Variants in CCDC124 observed in about 807,000 individuals in gnomAD.
The protein encoded by CCDC124 is coiled-coil domain containing 124, also known as coiled-coil domain-containing protein 124.
In CCDC124, 9 loss-of-function variants were observed where a neutral mutation model predicts 19.8. The observed-to-expected ratio is 0.45, with a 90% CI of 0.27 to 0.79. CCDC124 has a LOEUF of 0.79. Among genes scored for constraint, CCDC124 ranks in the 30% least tolerant of loss-of-function variants. CCDC124 has a pLI of 0.14. For missense variants in CCDC124, 285 were observed against 319.0 expected (o/e 0.89, Z 0.81); for synonymous variants, 126 against 131.3 (o/e 0.96, Z 0.27).
At chr19:17,937,805 T>C (rs1246474636) in intron 2 of CCDC124, among the ~76,000 whole-genome samples, 1 of 152,036 alleles carries the variant, frequency 6.6e-6, no homozygotes, top group Non-Finnish European at 1.5e-5. Context: ...GCGATCTCAG[T>C]TCACCGCAAC....
rs1323780634 is a variant in CCDC124 at position 17,942,959 on chromosome 19, G to A, written c.349+114G>A. ...AGAAGCTGCCGGGGCTCCACGTGGTGCAGGGTGGGTGGGTAGGCCGCCTCC... is the reference window on the plus strand; with the variant it reads ...AGAAGCTGCCGGGGCTCCACGTGGTACAGGGTGGGTGGGTAGGCCGCCTCC... On this transcript the variant is annotated intron_variant, in intron 3 of 4. Coordinates refer to ENST00000445755, the MANE Select transcript of CCDC124 (RefSeq NM_001136203.2). The surrounding 1 kb of genome is among the most constrained non-coding windows in gnomAD (Gnocchi z 4.2). The A allele has an allele frequency of 8.4e-6, 11 of 1,305,724 alleles. No individual in the cohort carries two copies. The highest frequency in any genetic ancestry group is 1.0e-5 in the Non-Finnish European group (10 of 977,184). The allele number at this position is 1,305,724 out of a possible 1,614,324, so 80.9% of individuals were successfully genotyped here.
Position 17,939,122 on chromosome 19 carries a change from C to T in CCDC124, c.159+2543C>T, listed in dbSNP as rs1052965873. Among the ~76,000 whole-genome samples the T allele has an allele frequency of 5.3e-5, 8 of 151,966 alleles. No individual in the cohort carries two copies. In the East Asian group the frequency reaches 5.9e-4, roughly 11 times the overall value. On this transcript the variant is annotated intron_variant, in intron 2 of 4. Coordinates refer to ENST00000445755, the MANE Select transcript of CCDC124 (RefSeq NM_001136203.2). ...CAAAGATGCAGTATCCATCCGGGTG[C>T]GGTGGCTCACGCCTGTCATCCCAGG... is the stretch of plus-strand genomic sequence containing the variant.
At chr19:17,939,357 T>C (rs2031126011) in intron 2 of CCDC124, among the ~76,000 whole-genome samples, 2 of 152,100 alleles carry the variant, frequency 1.3e-5, no homozygotes, top group South Asian at 4.2e-4. Context: ...ATCGCGCCAC[T>C]GCACTCCAGT....
Position 17,943,585 on chromosome 19 carries a change from T to G in CCDC124, c.542T>G (p.Leu181Arg). ...AAFTAFEEAQ[L>R]PRLKQENPNM... The stretch of plus-strand genomic sequence containing the variant: ...TTCACAGCCTTTGAGGAAGCCCAGC[T>G]GCCGCGGCTCAAACAAGAGAACCCC... The change falls in exon 5 of 5, where the codon CTG (leucine) becomes CGG (arginine). Residue 181 changes from leucine (L) to arginine (R), a missense_variant. Coordinates refer to ENST00000445755, the MANE Select transcript of CCDC124 (RefSeq NM_001136203.2). 6.2e-7 allele frequency: 1 copy of G among 1,612,882 alleles called. No individual in the cohort carries two copies. The highest frequency in any genetic ancestry group is 8.5e-7 in the Non-Finnish European group (1 of 1,179,954).
At position 17,942,907 on chromosome 19, in the gene CCDC124, G is replaced by C; in HGVS notation, c.349+62G>C. On this transcript the variant is annotated intron_variant, in intron 3 of 4. Transcript: ENST00000445755. This position sits in a 1 kb window ranked among gnomAD's most constrained non-coding sequence, Gnocchi z 4.2. Reference sequence around the variant, plus strand: ...CCACTGCAGAGGCAGTGGACCTTGAGTCCATTAGCCCCCTCCTGGCCCCCA... The same window carrying C: ...CCACTGCAGAGGCAGTGGACCTTGACTCCATTAGCCCCCTCCTGGCCCCCA... The C allele has an allele frequency of 6.9e-7, 1 of 1,451,730 alleles. No homozygotes were observed. Among genetic ancestry groups the C allele is most frequent in the African/African-American group, 1.4e-5 (1 of 69,822 alleles). The allele number at this position is 1,451,730 out of a possible 1,614,324, so 89.9% of individuals were successfully genotyped here. A position where few individuals can be genotyped will look rare whatever the true frequency, so the allele number is the denominator to read the frequency against.
chr19:17,943,265 G>T lies in CCDC124; in HGVS notation c.354G>T (p.Glu118Asp). ...HQLREAPDTA[E>D]KAKSHLEVPL... ...GTCACCCACCCACCCGCCCAGCCGA[G>T]AAAGCCAAGAGCCATCTGGAGGTGC... is the stretch of plus-strand genomic sequence containing the variant. The change falls in exon 4 of 5, where the codon GAG becomes GAT. Residue 118 changes from glutamate (E) to aspartate (D), a missense_variant. Physicochemically the swap from Glu to Asp is conservative, Grantham distance 45. Coordinates refer to ENST00000445755, the MANE Select transcript of CCDC124 (RefSeq NM_001136203.2). 1 of 474,766 alleles carries T rather than the reference G, an allele frequency of 2.1e-6. No individual in the cohort carries two copies. 29.4% of individuals were successfully genotyped at this position (474,766 alleles called of 1,614,324 possible).
intron 2 of CCDC124, among the ~76,000 whole-genome samples, chr19:17,941,559 A>G (rs2031181615): frequency 6.6e-6 from 1 of 151,444 alleles, no homozygotes; most frequent in Non-Finnish European, 1.5e-5. Context: ...TGTGTGTGAC[A>G]CGCATCGGTC....
chr19:17,941,173 C>A (rs1259950415), intron 2 of CCDC124, among the ~76,000 whole-genome samples: 2 of 152,128 alleles, frequency 1.3e-5, no homozygotes, highest in African/African-American at 4.8e-5. Context: ...CCCTCATACC[C>A]CTCCTGGTCA....
At position 17,942,609 on chromosome 19, in the gene CCDC124, G is replaced by A. The variant is rs773160562; in HGVS notation, c.160-47G>A. ...CTCGAACCCCAGGCTAGTGGGTGGC[G>A]CGGGGGTGTGGGGTCTTCTGCCTGA... On this transcript the variant is annotated intron_variant, in intron 2 of 4. Transcript: ENST00000445755. The surrounding 1 kb of genome is among the most constrained non-coding windows in gnomAD (Gnocchi z 4.2). 1 of 1,541,638 alleles carries A rather than the reference G, an allele frequency of 6.5e-7. No individual in the cohort carries two copies.
chr19:17,937,924 G>A (rs2031099599), intron 2 of CCDC124, among the ~76,000 whole-genome samples: 1 of 152,132 alleles, frequency 6.6e-6, no homozygotes, highest in Non-Finnish European at 1.5e-5. Context: ...GTAGAGATGG[G>A]GTTTCTCCAG....
Position 17,943,377 on chromosome 19 carries a change from T to C in CCDC124, c.464+2T>C. On this transcript the variant is annotated splice_donor_variant, in intron 4 of 4. Coordinates refer to ENST00000445755, the MANE Select transcript of CCDC124 (RefSeq NM_001136203.2). LOFTEE classifies it high-confidence loss of function. ...CGAGGACGCCATTGCAGTGCTCAGG[T>C]AACGGGGCGGGGCCTGGGGCTTTCC... 1 of 1,571,378 alleles carries C rather than the reference T, an allele frequency of 6.4e-7. No individual in the cohort carries two copies. The highest frequency in any genetic ancestry group is 2.3e-5 in the East Asian group (1 of 43,384).
At position 17,943,721 on chromosome 19, in the gene CCDC124, G is replaced by C; in HGVS notation, c.*6G>C. ...CCTTCAATGCCCCCAAGTGAGCCCAGAACTTGGGGAGCCAGTTCACCCACG... is the reference window on the plus strand; with the variant it reads ...CCTTCAATGCCCCCAAGTGAGCCCACAACTTGGGGAGCCAGTTCACCCACG... On this transcript the variant is annotated 3_prime_UTR_variant, in exon 5 of 5. Coordinates refer to ENST00000445755, the MANE Select transcript of CCDC124 (RefSeq NM_001136203.2). The C allele has an allele frequency of 6.2e-7, 1 of 1,611,434 alleles. No individual in the cohort carries two copies. Among genetic ancestry groups the C allele is most frequent in the Admixed American group, 1.7e-5 (1 of 59,858 alleles).
intron 2 of CCDC124, among the ~76,000 whole-genome samples, chr19:17,938,167 C>G (rs886410483): frequency 2.6e-5 from 4 of 152,090 alleles, no homozygotes; most frequent in Non-Finnish European, 4.4e-5. Context: ...TAGCAAGACC[C>G]CATCTCCACA....
At chr19:17,934,895 GCC>G (rs2031025987) in intron 1 of CCDC124, among the ~76,000 whole-genome samples, 1 of 143,040 alleles carries the variant, frequency 7.0e-6, no homozygotes, top group African/African-American at 2.6e-5. Context: ...ATGTATTGGT[GCC>G]TTGTTTCCTT....
chr19:17,943,315 G>A lies in CCDC124; in HGVS notation c.404G>A (p.Arg135His), dbSNP rs767162137. The change falls in exon 4 of 5, where the codon CGC becomes CAC. Residue 135 changes from arginine (R) to histidine (H), a missense_variant. Coordinates refer to ENST00000445755, the MANE Select transcript of CCDC124 (RefSeq NM_001136203.2). ...CCGCTGGAGGAGAACGTGAACCGCC[G>A]CGTGCTGGAGGAGGGCAGCGTGGAG... Reference protein sequence around the residue: ...EVPLEENVNRRVLEEGSVEAR... With the variant: ...EVPLEENVNRHVLEEGSVEAR... 7 of 1,333,248 alleles carry A rather than the reference G, an allele frequency of 5.3e-6. No homozygotes were observed. In the Admixed American group the frequency reaches 1.1e-4, roughly 21 times the overall value. 82.6% of individuals were successfully genotyped at this position (1,333,248 alleles called of 1,614,324 possible). A position where few individuals can be genotyped will look rare whatever the true frequency, so the allele number is the denominator to read the frequency against.
chr19:17,938,807 A>C (rs865789725), intron 2 of CCDC124, among the ~76,000 whole-genome samples: 1 of 151,876 alleles, frequency 6.6e-6, no homozygotes, highest in South Asian at 2.1e-4. Context: ...GTGTTGCCCA[A>C]GTTGGTCTCA....
intron 1 of CCDC124, among the ~76,000 whole-genome samples, chr19:17,933,532 C>G (rs1345839533): frequency 6.6e-6 from 1 of 152,180 alleles, no homozygotes; most frequent in African/African-American, 2.4e-5. Context: ...GCCTGGGCTC[C>G]CAGCTCCTGC....
intron 2 of CCDC124, among the ~76,000 whole-genome samples, chr19:17,939,612 TCTC>T (rs1198766936): frequency 6.6e-6 from 1 of 151,066 alleles, no homozygotes; most frequent in Non-Finnish European, 1.5e-5. Flanking sequence ...ACTGGCACCT[TCTC>T]CTTTGTTAAG....
At chr19:17,939,612 T>A (rs1319919507) in intron 2 of CCDC124, among the ~76,000 whole-genome samples, 1 of 151,066 alleles carries the variant, frequency 6.6e-6, no homozygotes, top group African/African-American at 2.4e-5. Flanking sequence ...ACTGGCACCT[T>A]CTCCTTTGTT....
Sources: allele counts gnomAD v4.1 joint callset (sites outside exome capture counted in the v4.1 genomes callset), GRCh38; gene constraint gnomAD v4.1.1; non-coding constraint Gnocchi (gnomAD v3.1); transcripts MANE v1.5; gene names NCBI Gene and HGNC (gene_info 2026-07-23, HGNC 2026-07-21).